The following RHEB variants were observed in gnomAD, a reference collection of about 807,000 sequenced individuals.
RHEB encodes Ras homolog, mTORC1 binding.
In RHEB, 2 loss-of-function variants were observed where a neutral mutation model predicts 28.8. The ratio of observed to expected loss-of-function variants is 0.07; its 90% CI spans 0.03 to 0.22. The LOEUF (loss-of-function observed/expected upper bound fraction) is 0.22. Among genes scored for constraint, RHEB ranks in the 10% least tolerant of loss-of-function variants. RHEB has a pLI of 1.00. For synonymous variants in RHEB, 69 were observed against 77.3 expected, an observed-to-expected ratio of 0.89 and a Z score of 0.56; for missense variants, 76 against 219.9, an observed-to-expected ratio of 0.35 and a Z score of 4.14.
intron 1 of RHEB, among the ~76,000 whole-genome samples, chr7:151,503,776 A>T (rs73729822): frequency 0.041 from 6,152 of 151,216 alleles, 281 homozygotes; most frequent in African/African-American, 0.11. Context: ...AAAAAAAAAA[A>T]TTTTTTTAAG....
chr7:151,514,422 TA>T (rs1173410444), intron 1 of RHEB, among the ~76,000 whole-genome samples: 1 of 145,544 alleles, frequency 6.9e-6, no homozygotes, highest in Non-Finnish European at 1.5e-5. Context: ...ATCGAGAAGG[TA>T]AAAGGACAAC....
At chr7:151,516,103 C>T (rs1803073180) in intron 1 of RHEB, among the ~76,000 whole-genome samples, 2 of 152,124 alleles carry the variant, frequency 1.3e-5, no homozygotes, top group Admixed American at 1.3e-4. Flanking sequence ...AACGGAATGT[C>T]AGGGAGCTGG....
At chr7:151,517,690 CA>C (rs554116118) in intron 1 of RHEB, among the ~76,000 whole-genome samples, 1,093 of 76,766 alleles carry the variant, frequency 0.014, 7 homozygotes, top group African/African-American at 0.034. Flanking sequence ...CTTCTGTAGC[CA>C]AAAAAAAAAA....
chr7:151,512,243 T>C (rs1011466175), intron 1 of RHEB, among the ~76,000 whole-genome samples: 9 of 152,324 alleles, frequency 5.9e-5, no homozygotes, highest in Admixed American at 3.9e-4. Flanking sequence ...GTTTGCGAAC[T>C]TGTTATTCTG....
At chr7:151,516,663 C>T (rs1348010213) in intron 1 of RHEB, among the ~76,000 whole-genome samples, 2 of 137,208 alleles carry the variant, frequency 1.5e-5, no homozygotes, top group African/African-American at 2.7e-5. Context: ...ACTAGTTAAA[C>T]AAACATAGCA....
intron 1 of RHEB, among the ~76,000 whole-genome samples, chr7:151,518,756 T>C (rs1255098867): frequency 6.6e-6 from 1 of 152,222 alleles, no homozygotes; most frequent in East Asian, 1.9e-4. Context: ...TGCAAGTACC[T>C]GACCTTATTC....
At chr7:151,496,319 C>T (rs1802673055) in intron 1 of RHEB, among the ~76,000 whole-genome samples, 1 of 152,176 alleles carries the variant, frequency 6.6e-6, no homozygotes, top group African/African-American at 2.4e-5. Flanking sequence ...CCCTTCTTCC[C>T]ACCTATCAAT....
intron 1 of RHEB, among the ~76,000 whole-genome samples, chr7:151,499,365 A>G (rs989574075): frequency 2.0e-5 from 3 of 152,218 alleles, no homozygotes; most frequent in African/African-American, 7.2e-5. Flanking sequence ...TAAAAAACGA[A>G]AAGAAAGGAC....
In RHEB at chr7:151,467,246, T is replaced by C. The variant is rs373682217; in HGVS notation, c.463-35A>G. ...GAAAGAAACCCAATCACAGTGTTAG[T>C]GTGAAGCCGAACTCCGAGAGTATTT... On this transcript the variant is annotated intron_variant, in intron 7 of 7. Coordinates refer to ENST00000262187, the MANE Select transcript of RHEB (RefSeq NM_005614.4). The C allele has an allele frequency of 8.4e-4, 1,252 of 1,489,448 alleles. 3 individuals are homozygous for C. The highest frequency in any genetic ancestry group is 1.1e-3 in the Non-Finnish European group (1,131 of 1,066,958). The allele number at this position is 1,489,448 out of a possible 1,614,324, so 92.3% of individuals were successfully genotyped here.
At chr7:151,516,272 T>C (rs906897887) in intron 1 of RHEB, among the ~76,000 whole-genome samples, 9 of 151,974 alleles carry the variant, frequency 5.9e-5, no homozygotes, top group Non-Finnish European at 1.0e-4. Flanking sequence ...CTGAGAATTA[T>C]ATTTTACCTA....
chr7:151,479,571 T>A (rs960508877), intron 3 of RHEB, among the ~76,000 whole-genome samples: 10 of 150,964 alleles, frequency 6.6e-5, no homozygotes, highest in Non-Finnish European at 1.3e-4. Context: ...TAGTCCCAGC[T>A]ACTCAGGAGG....
chr7:151,517,956 AGAG>A (rs1447214668), intron 1 of RHEB: 1 of 152,232 alleles, frequency 6.6e-6, no homozygotes, highest in African/African-American at 2.4e-5. Flanking sequence ...CTCAAAATGC[AGAG>A]GAGGAAATCA....
intron 1 of RHEB, chr7:151,502,778 A>G: frequency 2.0e-6 from 3 of 1,464,272 alleles, no homozygotes; most frequent in Non-Finnish European, 2.9e-6. Context: ...ATGTTCAGAA[A>G]GTAGCAGAGA....
chr7:151,511,808 G>T (rs1383555573), intron 1 of RHEB, among the ~76,000 whole-genome samples: 3 of 151,868 alleles, frequency 2.0e-5, no homozygotes, highest in African/African-American at 7.3e-5. Flanking sequence ...CCACCACCAC[G>T]CCCAGCTAAT....
At chr7:151,509,828 A>G (rs1326279445) in intron 1 of RHEB, among the ~76,000 whole-genome samples, 1 of 152,254 alleles carries the variant, frequency 6.6e-6, no homozygotes, top group Non-Finnish European at 1.5e-5. Context: ...ATAAAGTTTT[A>G]CTAGCACACA....
intron 1 of RHEB, among the ~76,000 whole-genome samples, chr7:151,504,492 T>C (rs1183216027): frequency 6.6e-6 from 1 of 152,156 alleles, no homozygotes; most frequent in Non-Finnish European, 1.5e-5. Flanking sequence ...ATCCAAGGAA[T>C]ACTGTATTTT....
At chr7:151,504,321 A>C (rs948154395) in intron 1 of RHEB, among the ~76,000 whole-genome samples, 1 of 151,810 alleles carries the variant, frequency 6.6e-6, no homozygotes, top group Non-Finnish European at 1.5e-5. Flanking sequence ...AAGTGGGGGG[A>C]AAAAATCCAC....
At chr7:151,516,622 CAAAAAAAAAAAAA>C in intron 1 of RHEB, among the ~76,000 whole-genome samples, 1 of 91,964 alleles carries the variant, frequency 1.1e-5, no homozygotes, top group African/African-American at 4.3e-5. Context: ...GACTCTGTCA[CAAAAAAAAAAAAA>C]AAAAAAAAAG....
intron 2 of RHEB, among the ~76,000 whole-genome samples, chr7:151,488,823 ACT>A (rs1221306468): frequency 6.6e-6 from 1 of 152,188 alleles, no homozygotes; most frequent in Non-Finnish European, 1.5e-5. Context: ...GGGTCATATT[ACT>A]CTGTTTCTGA....
Sources: gnomAD v4.1 joint callset for allele counts (sites outside exome capture counted in the v4.1 genomes callset) on GRCh38, gnomAD v4.1.1 for gene constraint, MANE v1.5 for transcripts, NCBI Gene and HGNC (gene_info 2026-07-23, HGNC 2026-07-21) for gene names.